The following PPARA variants were observed in gnomAD, a reference collection of about 807,000 sequenced individuals.
PPARA encodes peroxisome proliferator-activated receptor alpha.
PPARA carries 22 observed loss-of-function variants against 42.2 expected under a neutral mutation model. That is an observed-to-expected ratio of 0.52 (90% confidence interval 0.37 to 0.74). The LOEUF is 0.74. PPARA is among the 30% of genes least tolerant of loss of function. The pLI, the probability that PPARA is intolerant of heterozygous loss-of-function variation, is 0.00. For missense variants in PPARA, 465 were observed against 608.2 expected (o/e 0.76, Z 2.48); for synonymous variants, 242 against 239.3 (o/e 1.01, Z -0.10).
chr22:46,188,296 C>T lies in PPARA; in HGVS notation c.-42-10046C>T, dbSNP rs1300433978. Among the ~76,000 whole-genome samples the T allele has an allele frequency of 4.6e-5, 7 of 152,242 alleles. No homozygotes were observed. The highest frequency in any genetic ancestry group is 8.8e-5 in the Non-Finnish European group (6 of 68,042). ...TTGGAGCCAGTTGTTCAGCCATTCTCAACCACTTATTCAATGATGTTTTGG... is the reference window on the plus strand; with the variant it reads ...TTGGAGCCAGTTGTTCAGCCATTCTTAACCACTTATTCAATGATGTTTTGG... On this transcript the variant is annotated intron_variant, in intron 3 of 8. Coordinates refer to ENST00000407236, the MANE Select transcript of PPARA (RefSeq NM_005036.6). This position sits in a 1 kb window ranked among gnomAD's most constrained non-coding sequence, Gnocchi z 5.0.
intron 2 of PPARA, among the ~76,000 whole-genome samples, chr22:46,168,718 C>T (rs1927505430): frequency 6.6e-6 from 1 of 151,908 alleles, no homozygotes; most frequent in Non-Finnish European, 1.5e-5. Flanking sequence ...AGTTCATAGA[C>T]ATCTCTCTTC....
At chr22:46,194,893 C>CTTTTTTTTTTTTTTTTTTTT (rs1161037504) in intron 3 of PPARA, among the ~76,000 whole-genome samples, 1 of 116,048 alleles carries the variant, frequency 8.6e-6, no homozygotes, top group African/African-American at 3.1e-5. Flanking sequence ...TGTTTTCTTT[C>CTTTTTTTTTTTTTTTTTTTT]TTTTTTTTTT....
chr22:46,207,885 A>G (rs1205371412), intron 4 of PPARA, among the ~76,000 whole-genome samples: 1 of 151,018 alleles, frequency 6.6e-6, no homozygotes, highest in Admixed American at 6.6e-5. Flanking sequence ...GAGACTCGCT[A>G]TGTTGACCAG....
chr22:46,220,027 G>A lies in PPARA; in HGVS notation c.711+13G>A, dbSNP rs572800251. On this transcript the variant is annotated intron_variant, in intron 7 of 8. Coordinates refer to ENST00000407236, the MANE Select transcript of PPARA (RefSeq NM_005036.6). ...CAGTAACAATCCAGTAGGTGTTTGCGGCTGTTCTGGGTTCTCTTGGCAACA... is the reference window on the plus strand; with the variant it reads ...CAGTAACAATCCAGTAGGTGTTTGCAGCTGTTCTGGGTTCTCTTGGCAACA... The A allele has an allele frequency of 4.2e-5, 67 of 1,613,358 alleles. No individual in the cohort carries two copies. Among genetic ancestry groups the A allele is most frequent in the Middle Eastern group, 1.6e-4 (1 of 6,062 alleles).
rs34716781 is a variant in PPARA, at chr22:46,224,971, TGG to T, written c.711+4965_711+4966del. On this transcript the variant is annotated intron_variant, in intron 7 of 8. Transcript: ENST00000407236. The surrounding 1 kb of genome is among the most constrained non-coding windows in gnomAD (Gnocchi z 5.7). ...GCTGAGCTGGAACAGGCTAGAATGCTGGGGGGGGGCCTGAAACCGGTGGGGGA... is the reference window on the plus strand; with the variant it reads ...GCTGAGCTGGAACAGGCTAGAATGCTGGGGGGGCCTGAAACCGGTGGGGGA... Among the ~76,000 whole-genome samples, 2 of 139,860 alleles carry T rather than the reference TGG, an allele frequency of 1.4e-5. No homozygotes were observed. Among genetic ancestry groups the T allele is most frequent in the African/African-American group, 2.8e-5 (1 of 35,890 alleles). 91.8% of individuals were successfully genotyped at this position (139,860 alleles called of 152,430 possible). A position where few individuals can be genotyped will look rare whatever the true frequency, so the allele number is the denominator to read the frequency against.
chr22:46,235,561 G>C lies in PPARA; in HGVS notation c.*181G>C. 1 of 807,646 alleles carries C rather than the reference G, an allele frequency of 1.2e-6. No individual in the cohort carries two copies. Among genetic ancestry groups the C allele is most frequent in the Non-Finnish European group, 1.9e-6 (1 of 514,772 alleles). 50.0% of individuals were successfully genotyped at this position (807,646 alleles called of 1,614,324 possible). A position where few individuals can be genotyped will look rare whatever the true frequency, so the allele number is the denominator to read the frequency against. Reference sequence around the variant, plus strand: ...TCTTTGTTTTAACCAGTACTTCTAAGAGCATAGAACTCAAATGCTGGGGGT... The same window carrying C: ...TCTTTGTTTTAACCAGTACTTCTAACAGCATAGAACTCAAATGCTGGGGGT... On this transcript the variant is annotated 3_prime_UTR_variant, in exon 9 of 9. Transcript: ENST00000407236. The surrounding 1 kb of genome is among the most constrained non-coding windows in gnomAD (Gnocchi z 7.0).
At position 46,161,829 on chromosome 22, in the gene PPARA, T is replaced by A. The variant is rs1197284147; in HGVS notation, c.-127+9859T>A. ...TTCCCTTTTCCGCGCTAGCGTTTGG[T>A]CCCTGCGCTTTTCTGGATGCCCCCA... On this transcript the variant is annotated intron_variant, in intron 2 of 8. Coordinates refer to ENST00000407236, the MANE Select transcript of PPARA (RefSeq NM_005036.6). The surrounding 1 kb of genome is among the most constrained non-coding windows in gnomAD (Gnocchi z 4.8). Among the ~76,000 whole-genome samples the A allele has an allele frequency of 6.6e-6, 1 of 152,148 alleles. No individual in the cohort carries two copies. Among genetic ancestry groups the A allele is most frequent in the Non-Finnish European group, 1.5e-5 (1 of 68,028 alleles).
In PPARA at chr22:46,216,393, A is replaced by T. The variant is rs1212776218; in HGVS notation, c.369+1060A>T. ...AGTAAAACTTCATCTCAAAAAAAAA[A>T]AAAAGAGAGAAAAGAAAATAAGCCA... On this transcript the variant is annotated intron_variant, in intron 5 of 8. Transcript: ENST00000407236. The surrounding 1 kb of genome is among the most constrained non-coding windows in gnomAD (Gnocchi z 4.5). Among the ~76,000 whole-genome samples the T allele has an allele frequency of 1.3e-5, 2 of 152,042 alleles. No homozygotes were observed. Among genetic ancestry groups the T allele is most frequent in the Non-Finnish European group, 2.9e-5 (2 of 67,984 alleles).
rs920970048 is a variant in PPARA at position 46,191,123 on chromosome 22, G to A, written c.-42-7219G>A. Among the ~76,000 whole-genome samples, 1 of 152,098 alleles carries A rather than the reference G, an allele frequency of 6.6e-6. No individual in the cohort carries two copies. Among genetic ancestry groups the A allele is most frequent in the African/African-American group, 2.4e-5 (1 of 41,408 alleles). On this transcript the variant is annotated intron_variant, in intron 3 of 8. Transcript: ENST00000407236. This position sits in a 1 kb window ranked among gnomAD's most constrained non-coding sequence, Gnocchi z 4.6. Reference sequence around the variant, plus strand: ...CACGAGAATCGCTTGAACCCGGGAGGCGTGGGGTTGCAGTGAGCCGAGATT... The same window carrying A: ...CACGAGAATCGCTTGAACCCGGGAGACGTGGGGTTGCAGTGAGCCGAGATT...
Position 46,185,894 on chromosome 22 carries a change from C to CAA in PPARA, c.-43+9058_-43+9059insAA, listed in dbSNP as rs1279499029. ...TGGGTGACAAAGTGAGACTCCGTCT[C>CAA]CAAAAAAAAAAAAAAAAAAAAAATA... is the stretch of plus-strand genomic sequence containing the variant. On this transcript the variant is annotated intron_variant, in intron 3 of 8. Coordinates refer to ENST00000407236, the MANE Select transcript of PPARA (RefSeq NM_005036.6). Among the ~76,000 whole-genome samples the CAA allele has an allele frequency of 3.4e-4, 7 of 20,862 alleles. 1 individual carries two copies. Among genetic ancestry groups the CAA allele is most frequent in the African/African-American group, 1.6e-3 (6 of 3,674 alleles). The allele number at this position is 20,862 out of a possible 152,430, so 13.7% of individuals were successfully genotyped here.
Position 46,200,045 on chromosome 22 carries a change from A to G in PPARA, c.208+1454A>G, listed in dbSNP as rs1367921725. On this transcript the variant is annotated intron_variant, in intron 4 of 8. Coordinates refer to ENST00000407236, the MANE Select transcript of PPARA (RefSeq NM_005036.6). The surrounding 1 kb of genome is among the most constrained non-coding windows in gnomAD (Gnocchi z 4.8). ...GCCCAATTAAAATCTTTAACACTAA[A>G]CAATCTAGTACATCACTGGTGGAAA... 6.6e-6 allele frequency among the ~76,000 whole-genome samples: 1 copy of G among 152,132 alleles called. No individual in the cohort carries two copies. Among genetic ancestry groups the G allele is most frequent in the Non-Finnish European group, 1.5e-5 (1 of 68,028 alleles).
Position 46,224,046 on chromosome 22 carries a change from G to A in PPARA, c.711+4032G>A, listed in dbSNP as rs956630589. ...GAAAAAGAGAACCGGGCACTCTTCC[G>A]AGAGTCAGATGCCCTCTTCCACCCA... On this transcript the variant is annotated intron_variant, in intron 7 of 8. Transcript: ENST00000407236. The surrounding 1 kb of genome is among the most constrained non-coding windows in gnomAD (Gnocchi z 5.7). Among the ~76,000 whole-genome samples the A allele has an allele frequency of 2.6e-5, 4 of 152,006 alleles. No homozygotes were observed. Among genetic ancestry groups the A allele is most frequent in the Admixed American group, 6.6e-5 (1 of 15,256 alleles).
At position 46,222,187 on chromosome 22, in the gene PPARA, C is replaced by T. The variant is rs1306455274; in HGVS notation, c.711+2173C>T. Among the ~76,000 whole-genome samples, 1 of 152,102 alleles carries T rather than the reference C, an allele frequency of 6.6e-6. No homozygotes were observed. Among genetic ancestry groups the T allele is most frequent in the Non-Finnish European group, 1.5e-5 (1 of 68,012 alleles). ...CAAATTGCCCCTCATGGTTCGTCCC[C>T]CACATCCCCGCCTGCCTGGCCTAAG... On this transcript the variant is annotated intron_variant, in intron 7 of 8. Transcript: ENST00000407236. This position sits in a 1 kb window ranked among gnomAD's most constrained non-coding sequence, Gnocchi z 5.9.
intron 4 of PPARA, 49 bp from the exon 5 acceptor site, chr22:46,215,124 A>G (rs1263407870): frequency 6.3e-7 from 1 of 1,598,920 alleles, no homozygotes; most frequent in Non-Finnish European, 8.6e-7. Flanking sequence ...GTTCAGACAC[A>G]GGATAGTGAT....
At chr22:46,170,367 C>G (rs1327959986) in intron 2 of PPARA, among the ~76,000 whole-genome samples, 1 of 147,274 alleles carries the variant, frequency 6.8e-6, no homozygotes, top group African/African-American at 2.5e-5. Context: ...TCCTAAGTAG[C>G]TGGGACCACA....
At chr22:46,185,761 G>A (rs935441201) in intron 3 of PPARA, among the ~76,000 whole-genome samples, 2 of 149,446 alleles carry the variant, frequency 1.3e-5, no homozygotes, top group African/African-American at 4.9e-5. Flanking sequence ...CAGGTATGGT[G>A]GCAGCCGCCT....
At chr22:46,198,028 G>A (rs1489092959) in intron 3 of PPARA, among the ~76,000 whole-genome samples, 4 of 151,094 alleles carry the variant, frequency 2.6e-5, no homozygotes, top group Non-Finnish European at 5.9e-5. Context: ...TCAGGAGATC[G>A]AGACCACCCT....
At chr22:46,198,236 TCA>T (rs1932543865) in intron 3 of PPARA, 104 bp from the exon 4 acceptor site, 1 of 219,244 alleles carries the variant, frequency 4.6e-6, no homozygotes. Flanking sequence ...AGACTCTGTC[TCA>T]AAAAAAAAAA....
In PPARA at chr22:46,233,480, G is replaced by C. The variant is rs561468132; in HGVS notation, c.1159+1241G>C. 2.0e-5 allele frequency among the ~76,000 whole-genome samples: 3 copies of C among 152,226 alleles called. No homozygotes were observed. Among genetic ancestry groups the C allele is most frequent in the Non-Finnish European group, 4.4e-5 (3 of 68,032 alleles). On this transcript the variant is annotated intron_variant, in intron 8 of 8. Transcript: ENST00000407236. The surrounding 1 kb of genome is among the most constrained non-coding windows in gnomAD (Gnocchi z 7.3). ...GCCTGCAGCCATACTGCGCCTGGGG[G>C]ATTGACTCACTGTCAGCATGGAGCT...
Sources: allele counts gnomAD v4.1 joint callset (sites outside exome capture counted in the v4.1 genomes callset), GRCh38; gene constraint gnomAD v4.1.1; non-coding constraint Gnocchi (gnomAD v3.1); transcripts MANE v1.5; gene names NCBI Gene and HGNC (gene_info 2026-07-23, HGNC 2026-07-21).